The following ATR variants were observed in gnomAD, a reference collection of about 807,000 sequenced individuals.
ATR encodes the protein ATR checkpoint kinase, also known as serine/threonine-protein kinase ATR.
In ATR, 142 loss-of-function variants were observed where a neutral mutation model predicts 305.3. The ratio of observed to expected loss-of-function variants is 0.47; its 90% CI spans 0.41 to 0.53. The LOEUF is 0.53. Among genes scored for constraint, ATR ranks in the 20% least tolerant of loss-of-function variants. ATR has a pLI of 0.00. For missense variants in ATR, 2,135 were observed against 3,133.1 expected (o/e 0.68, Z 7.60); for synonymous variants, 1,050 against 1,068.1 (o/e 0.98, Z 0.33).
chr3:142,449,302 G>T lies in ATR; in HGVS notation c.*127C>A. Reference sequence around the variant, plus strand: ...TTATTTTACATATAATTAATGATCAGAGAGAAATAACAGTTGCTGAGAACG... The same window carrying T: ...TTATTTTACATATAATTAATGATCATAGAGAAATAACAGTTGCTGAGAACG... On this transcript the variant is annotated 3_prime_UTR_variant, in exon 47 of 47. Transcript: ENST00000350721. 1 of 822,722 alleles carries T rather than the reference G, an allele frequency of 1.2e-6. No individual in the cohort carries two copies. The highest frequency in any genetic ancestry group is 1.9e-6 in the Non-Finnish European group (1 of 519,182). 51.0% of individuals were successfully genotyped at this position (822,722 alleles called of 1,614,324 possible).
intron 6 of ATR, among the ~76,000 whole-genome samples, chr3:142,559,770 C>T (rs902081726): frequency 5.9e-5 from 9 of 152,014 alleles, no homozygotes; most frequent in Admixed American, 3.3e-4. Context: ...TAGGGTGTGG[C>T]GGCACATGCC....
Position 142,578,647 on chromosome 3 carries a change from T to C in ATR, c.58A>G (p.Ser20Gly), listed in dbSNP as rs2108512548. ...SMIPALRELG[S>G]ATPEEYNTVV... The stretch of plus-strand genomic sequence containing the variant: ...GACCCAGGCTGGGCCTAGCCCTACC[T>C]GCCCAGCTCCCGCAGGGCGGGGATC... The change falls in exon 1 of 47, where the codon AGT (serine) becomes GGT (glycine). Residue 20 changes from serine (S) to glycine (G), a missense_variant and splice_region_variant. Ser to Gly is a moderately conservative substitution (Grantham distance 56). Transcript: ENST00000350721. The C allele has an allele frequency of 6.2e-7, 1 of 1,612,464 alleles. No homozygotes were observed. Among genetic ancestry groups the C allele is most frequent in the Non-Finnish European group, 8.5e-7 (1 of 1,179,474 alleles).
intron 36 of ATR, among the ~76,000 whole-genome samples, chr3:142,474,925 T>C (rs74758499): frequency 0.018 from 2,726 of 152,194 alleles, 29 homozygotes; most frequent in South Asian, 0.041. Flanking sequence ...TAAAAAAAGT[T>C]TGTTTTTTTT....
intron 45 of ATR, 121 bp downstream of exon 45, chr3:142,457,480 CTAT>C: frequency 9.0e-7 from 1 of 1,110,350 alleles, no homozygotes; most frequent in South Asian, 1.5e-5. Context: ...CTGCATAAAG[CTAT>C]TATTTAAAAA....
At chr3:142,476,008 G>C (rs1275183742) in intron 36 of ATR, among the ~76,000 whole-genome samples, 1 of 152,190 alleles carries the variant, frequency 6.6e-6, no homozygotes, top group Non-Finnish European at 1.5e-5. Context: ...TTCGTCAGAT[G>C]AGTAGATTGC....
chr3:142,528,875 ATATATTT>A (rs1284819554), intron 21 of ATR, among the ~76,000 whole-genome samples: 4 of 46,632 alleles, frequency 8.6e-5, no homozygotes, highest in African/African-American at 4.3e-4. Context: ...ATATATATAT[ATATATTT>A]TTTTTTTTTT....
At chr3:142,519,815 C>T in intron 23 of ATR, 31 bp from the exon 24 acceptor site, 1 of 1,433,282 alleles carries the variant, frequency 7.0e-7, no homozygotes, top group Non-Finnish European at 9.8e-7. Context: ...TTTGTAAGTC[C>T]ACAGTGAAGC....
rs562650405 is a variant in ATR, at chr3:142,509,600, A to C, written c.4853-1491T>G. Among the ~76,000 whole-genome samples, 464 of 111,682 alleles carry C rather than the reference A, an allele frequency of 4.2e-3. 5 individuals are homozygous for C. The highest frequency in any genetic ancestry group is 0.016 in the African/African-American group (453 of 27,496). The allele number at this position is 111,682 out of a possible 152,430, so 73.3% of individuals were successfully genotyped here. A position where few individuals can be genotyped will look rare whatever the true frequency, so the allele number is the denominator to read the frequency against. ...GAGACAGGGTCTCACTCTGCTGCCC[A>C]GGCTGGAGTGCAGGGGTGTGATCTT... On this transcript the variant is annotated intron_variant, in intron 27 of 46. Coordinates refer to ENST00000350721, the MANE Select transcript of ATR (RefSeq NM_001184.4).
At chr3:142,467,420 T>C (rs560542873) in intron 39 of ATR, among the ~76,000 whole-genome samples, 1 of 152,266 alleles carries the variant, frequency 6.6e-6, no homozygotes, top group East Asian at 1.9e-4. Context: ...GGCATGAGAA[T>C]AGATTTTATT....
At chr3:142,463,226 A>G (rs1313890689) in intron 41 of ATR, among the ~76,000 whole-genome samples, 1 of 152,200 alleles carries the variant, frequency 6.6e-6, no homozygotes, top group Non-Finnish European at 1.5e-5. Flanking sequence ...AAAATGTAAC[A>G]AAATACTTTA....
At chr3:142,501,264 T>C (rs2031948328) in intron 30 of ATR, among the ~76,000 whole-genome samples, 1 of 139,484 alleles carries the variant, frequency 7.2e-6, no homozygotes, top group Non-Finnish European at 1.5e-5. Flanking sequence ...CAAAAAGAAA[T>C]TTGACACCCC....
At chr3:142,509,795 T>C (rs906192552) in intron 27 of ATR, among the ~76,000 whole-genome samples, 2 of 152,044 alleles carry the variant, frequency 1.3e-5, no homozygotes, top group Non-Finnish European at 2.9e-5. Flanking sequence ...ATTGTACTTT[T>C]GAATCATTAC....
At chr3:142,471,828 C>T (rs1351757245) in intron 36 of ATR, among the ~76,000 whole-genome samples, 1 of 149,214 alleles carries the variant, frequency 6.7e-6, no homozygotes, top group Non-Finnish European at 1.5e-5. Flanking sequence ...ATCTCTTTAA[C>T]TTATTCCTTC....
At chr3:142,515,094 C>T (rs2032801773) in intron 25 of ATR, among the ~76,000 whole-genome samples, 1 of 151,908 alleles carries the variant, frequency 6.6e-6, no homozygotes, top group African/African-American at 2.4e-5. Context: ...AAAACTCTGA[C>T]ATAGCATTTA....
rs749952876 is a variant in ATR, at chr3:142,538,596, T to A, written c.3611A>T (p.Asp1204Val). ...RAWDCFVRCL[D>V]HACLGSLLSH... ...GAGAAGGGAGCCCAGACAAGCATGA[T>A]CCAGGCAGCGAACAAAGCAGTCCCA... is the stretch of plus-strand genomic sequence containing the variant. The change falls in exon 19 of 47, where the codon GAT (aspartate) becomes GTT (valine). Residue 1204 changes from aspartate (D) to valine (V), a missense_variant. Physicochemically the swap from Asp to Val is radical, Grantham distance 152. Transcript: ENST00000350721. 6.2e-7 allele frequency: 1 copy of A among 1,613,482 alleles called. No individual in the cohort carries two copies. Among genetic ancestry groups the A allele is most frequent in the South Asian group, 1.1e-5 (1 of 91,068 alleles).
chr3:142,528,879 ATTT>A (rs1170239080), intron 21 of ATR, among the ~76,000 whole-genome samples: 5 of 30,476 alleles, frequency 1.6e-4, no homozygotes, highest in African/African-American at 9.9e-4. Flanking sequence ...ATATATATAT[ATTT>A]TTTTTTTTTT....
chr3:142,450,017 G>T, intron 46 of ATR: 1 of 303,552 alleles, frequency 3.3e-6, no homozygotes. Flanking sequence ...ACTTGGAACT[G>T]TACAATTTCT....
intron 42 of ATR, among the ~76,000 whole-genome samples, chr3:142,460,441 A>G (rs1035789942): frequency 1.3e-5 from 2 of 152,110 alleles, no homozygotes; most frequent in Admixed American, 1.3e-4. Context: ...TGGTGTTCTT[A>G]TGAGAAAATA....
rs2108375432 is a variant in ATR at position 142,513,602 on chromosome 3, A to G, written c.4540T>C (p.Cys1514Arg). 1 of 1,613,744 alleles carries G rather than the reference A, an allele frequency of 6.2e-7. No individual in the cohort carries two copies. The highest frequency in any genetic ancestry group is 8.5e-7 in the Non-Finnish European group (1 of 1,179,750). ...HDLASKIFTC[C>R]SIMMKHDFKV... ...AAATCATGCTTCATCATAATGCTAC[A>G]GCAGGTGAAAATTTTACTGGCAAGA... The change falls in exon 26 of 47, where the codon TGT (cysteine) becomes CGT (arginine). Residue 1514 changes from cysteine to arginine, a missense_variant. Physicochemically the swap from Cys to Arg is radical, Grantham distance 180 (BLOSUM62 -3). Transcript: ENST00000350721.
Sources: allele counts gnomAD v4.1 joint callset (sites outside exome capture counted in the v4.1 genomes callset), GRCh38; gene constraint gnomAD v4.1.1; transcripts MANE v1.5; gene names NCBI Gene and HGNC (gene_info 2026-07-23, HGNC 2026-07-21).